REDIC1: variants seen among roughly 807,000 people sequenced by gnomAD.
The protein encoded by REDIC1 is regulator of DNA class I crossover intermediates 1.
the REDIC1 span, among the ~76,000 whole-genome samples, chr12:39,694,095 G>A: frequency 6.6e-6 from 1 of 152,096 alleles, no homozygotes; most frequent in African/African-American, 2.4e-5. Context: ...TTCTTTTTCT[G>A]TGAATTCTCT....
At chr12:39,758,305 C>T in the REDIC1 span, 2 of 151,860 alleles carry the variant, frequency 1.3e-5, no homozygotes, top group Non-Finnish European at 3.0e-5. Flanking sequence ...AGAGAATGAA[C>T]TTCCTCAGCT....
the REDIC1 span, among the ~76,000 whole-genome samples, chr12:39,897,115 T>A: frequency 2.0e-5 from 3 of 152,318 alleles, no homozygotes; most frequent in South Asian, 6.2e-4. Context: ...TTTATCATTG[T>A]TCCTGTGAAT....
chr12:39,655,683 T>C, the REDIC1 span, among the ~76,000 whole-genome samples: 2 of 152,304 alleles, frequency 1.3e-5, no homozygotes, highest in East Asian at 1.9e-4. Flanking sequence ...ATGATTGTTT[T>C]TGATGCCCTT....
chr12:39,726,781 C>T, the REDIC1 span, among the ~76,000 whole-genome samples: 1 of 152,204 alleles, frequency 6.6e-6, no homozygotes, highest in Non-Finnish European at 1.5e-5. Flanking sequence ...CTCCCACCAA[C>T]AGTGTAAAAG....
At chr12:39,825,875 A>G in the REDIC1 span, among the ~76,000 whole-genome samples, 3 of 152,024 alleles carry the variant, frequency 2.0e-5, no homozygotes, top group Admixed American at 1.3e-4. Flanking sequence ...CTGTTTAGTT[A>G]TTAATTTTAA....
the REDIC1 span, among the ~76,000 whole-genome samples, chr12:39,730,806 G>C: frequency 6.6e-6 from 1 of 152,036 alleles, no homozygotes; most frequent in African/African-American, 2.4e-5. Flanking sequence ...TGTAGGTTTG[G>C]TCTTTTCACA....
chr12:39,838,106 C>G, the REDIC1 span, among the ~76,000 whole-genome samples: 2,756 of 145,692 alleles, frequency 0.019, 31 homozygotes, highest in African/African-American at 0.035. Flanking sequence ...GTCCAACAAT[C>G]ATAGACTGGA....
At chr12:39,771,509 A>T in the REDIC1 span, among the ~76,000 whole-genome samples, 1 of 152,140 alleles carries the variant, frequency 6.6e-6, no homozygotes, top group Admixed American at 6.5e-5. Flanking sequence ...GAATTCTGCT[A>T]ACAAAAATGA....
chr12:39,862,369 AATGAACTGCATACTC>A, the REDIC1 span, among the ~76,000 whole-genome samples: 1 of 152,338 alleles, frequency 6.6e-6, no homozygotes, highest in Admixed American at 6.5e-5. Context: ...CTCTAGTAAG[AATGAACTGCATACTC>A]ATCACTGTGG....
the REDIC1 span, among the ~76,000 whole-genome samples, chr12:39,634,851 C>A: frequency 1.3e-5 from 2 of 152,176 alleles, no homozygotes; most frequent in South Asian, 4.1e-4. Context: ...AAACAGGCAA[C>A]CTACAGAATG....
the REDIC1 span, among the ~76,000 whole-genome samples, chr12:39,864,263 T>C: frequency 1.3e-5 from 2 of 152,216 alleles, no homozygotes; most frequent in African/African-American, 4.8e-5. Flanking sequence ...ACTTTTTACT[T>C]CCTGATCCTC....
the REDIC1 span, chr12:39,682,918 G>T: frequency 8.1e-6 from 13 of 1,612,958 alleles, no homozygotes; most frequent in African/African-American, 1.3e-5. Flanking sequence ...AGATACTTGT[G>T]TAGTCACTAG....
the REDIC1 span, among the ~76,000 whole-genome samples, chr12:39,685,552 C>G: frequency 6.6e-6 from 1 of 152,130 alleles, no homozygotes; most frequent in Non-Finnish European, 1.5e-5. Flanking sequence ...AGTCACCTCC[C>G]ACCAAGCCCC....
the REDIC1 span, among the ~76,000 whole-genome samples, chr12:39,793,002 G>A: frequency 1.3e-5 from 2 of 151,988 alleles, no homozygotes; most frequent in African/African-American, 4.8e-5. Flanking sequence ...TCTATGACTG[G>A]TTAACAAAAT....
the REDIC1 span, chr12:39,756,904 T>TATC: frequency 6.6e-6 from 1 of 151,672 alleles, no homozygotes; most frequent in East Asian, 1.9e-4. Context: ...TAGCATTTTG[T>TATC]ATCAGGGAAC....
At chr12:39,637,161 G>C in the REDIC1 span, among the ~76,000 whole-genome samples, 1 of 150,940 alleles carries the variant, frequency 6.6e-6, no homozygotes, top group Non-Finnish European at 1.5e-5. Context: ...TCTTAGCAAA[G>C]AATAAAGTAA....
chr12:39,694,561 C>A, the REDIC1 span, among the ~76,000 whole-genome samples: 1 of 152,162 alleles, frequency 6.6e-6, no homozygotes, highest in South Asian at 2.1e-4. Flanking sequence ...CCAGCCCTAA[C>A]CAGAGGGGAA....
At chr12:39,772,894 G>A in the REDIC1 span, among the ~76,000 whole-genome samples, 3 of 152,046 alleles carry the variant, frequency 2.0e-5, no homozygotes, top group African/African-American at 7.2e-5. Flanking sequence ...TGCTGATTTT[G>A]GGAAGGCACT....
chr12:39,907,592 A>G, the REDIC1 span: 1 of 152,136 alleles, frequency 6.6e-6, no homozygotes, highest in African/African-American at 2.4e-5. Flanking sequence ...TTAAACGATG[A>G]TCTAATTTTG....
Sources: gnomAD v4.1 joint callset for allele counts (sites outside exome capture counted in the v4.1 genomes callset) on GRCh38, gnomAD v4.1.1 for gene constraint, MANE v1.5 for transcripts, NCBI Gene and HGNC (gene_info 2026-07-23, HGNC 2026-07-21) for gene names.